Variants in MYEF2 observed in about 807,000 individuals in gnomAD.
The protein encoded by MYEF2 is myelin expression factor 2.
In MYEF2, 37 loss-of-function variants were observed where a neutral mutation model predicts 75.2. That is an observed-to-expected ratio of 0.49 (90% CI 0.38 to 0.65). The LOEUF (loss-of-function observed/expected upper bound fraction) is 0.65. MYEF2 is among the 30% of genes least tolerant of loss of function. MYEF2 has a pLI of 0.00. For synonymous variants in MYEF2, 195 were observed against 241.6 expected (o/e 0.81, Z 1.79); for missense variants, 634 against 771.4 (o/e 0.82, Z 2.11).
chr15:48,141,929 T>C lies in MYEF2; in HGVS notation c.*979A>G. 2.2e-6 allele frequency: 2 copies of C among 925,784 alleles called. No homozygotes were observed. Among genetic ancestry groups the C allele is most frequent in the Middle Eastern group, 2.4e-4 (1 of 4,226 alleles). 57.3% of individuals were successfully genotyped at this position (925,784 alleles called of 1,614,324 possible). On this transcript the variant is annotated 3_prime_UTR_variant, in exon 17 of 17. Transcript: ENST00000324324. ...TCTAACAACAATTTTTCAAAACGAA[T>C]CAACAACAAAAAAGTATCCAGTGTT... is the stretch of plus-strand genomic sequence containing the variant.
chr15:48,173,560 T>C (rs1232988316), intron 1 of MYEF2, among the ~76,000 whole-genome samples: 1 of 152,162 alleles, frequency 6.6e-6, no homozygotes, highest in Non-Finnish European at 1.5e-5. Context: ...AAATTAACTC[T>C]GTTTGCAGAA....
At position 48,151,953 on chromosome 15, in the gene MYEF2, A is replaced by G. The variant is rs1188150493; in HGVS notation, c.1139-11T>C. On this transcript the variant is annotated splice_polypyrimidine_tract_variant and intron_variant, in intron 11 of 16. Coordinates refer to ENST00000324324, the MANE Select transcript of MYEF2 (RefSeq NM_016132.5). The stretch of plus-strand genomic sequence containing the variant: ...CACCAAACCCTATTCCTATGGAATA[A>G]AGATTAATTTTGAGATCCAACTGTC... The G allele has an allele frequency of 6.2e-7, 1 of 1,612,290 alleles. No homozygotes were observed. The highest frequency in any genetic ancestry group is 8.5e-7 in the Non-Finnish European group (1 of 1,178,480).
intron 5 of MYEF2, among the ~76,000 whole-genome samples, chr15:48,160,296 C>T (rs567276965): frequency 6.1e-4 from 93 of 152,050 alleles, no homozygotes; most frequent in African/African-American, 2.2e-3. Context: ...AAATTTTATT[C>T]CTGAACAAAA....
At chr15:48,171,242 C>T (rs1050156639) in intron 1 of MYEF2, among the ~76,000 whole-genome samples, 8 of 152,276 alleles carry the variant, frequency 5.3e-5, no homozygotes, top group Middle Eastern at 3.4e-3. Context: ...TGTAAAGTAA[C>T]TAAGACTCTA....
chr15:48,142,631 T>C lies in MYEF2; in HGVS notation c.*277A>G. ...AAACTAGAACAAACAAATCCAACTATGTAGTACTGAAAACAACAAGAAAAT... is the reference window on the plus strand; with the variant it reads ...AAACTAGAACAAACAAATCCAACTACGTAGTACTGAAAACAACAAGAAAAT... On this transcript the variant is annotated 3_prime_UTR_variant, in exon 17 of 17. Transcript: ENST00000324324. The C allele has an allele frequency of 2.2e-6, 1 of 453,360 alleles. No individual in the cohort carries two copies. Among genetic ancestry groups the C allele is most frequent in the Non-Finnish European group, 3.8e-6 (1 of 260,982 alleles). The allele number at this position is 453,360 out of a possible 1,614,324, so 28.1% of individuals were successfully genotyped here.
chr15:48,143,167 AT>A, intron 16 of MYEF2, 96 bp from the exon 17 acceptor site: 1 of 694,778 alleles, frequency 1.4e-6, no homozygotes, highest in Non-Finnish European at 2.1e-6. Context: ...GTGATAATTA[AT>A]TTGATTAAAA....
intron 5 of MYEF2, among the ~76,000 whole-genome samples, chr15:48,162,482 C>T (rs1405456683): frequency 6.6e-6 from 1 of 152,130 alleles, no homozygotes; most frequent in Non-Finnish European, 1.5e-5. Flanking sequence ...TTCTCTGATG[C>T]CAGAACATAA....
chr15:48,141,937 A>G lies in MYEF2; in HGVS notation c.*971T>C, dbSNP rs2039104063. The G allele has an allele frequency of 1.0e-6, 1 of 992,876 alleles. No homozygotes were observed. Among genetic ancestry groups the G allele is most frequent in the African/African-American group, 1.6e-5 (1 of 62,170 alleles). The allele number at this position is 992,876 out of a possible 1,614,324, so 61.5% of individuals were successfully genotyped here. ...CAATTTTTCAAAACGAATCAACAAC[A>G]AAAAAGTATCCAGTGTTTCTTTTCT... On this transcript the variant is annotated 3_prime_UTR_variant, in exon 17 of 17. Transcript: ENST00000324324.
At chr15:48,177,971 G>C in intron 1 of MYEF2, 106 bp downstream of exon 1, 2 of 1,417,268 alleles carry the variant, frequency 1.4e-6, no homozygotes, top group Middle Eastern at 2.4e-4. Context: ...GGGCGGGCCG[G>C]GGTCTGGGGG....
chr15:48,136,593 A>G lies in MYEF2; in HGVS notation c.*6315T>C. The stretch of plus-strand genomic sequence containing the variant: ...TGATTGTTCTATGGCTACTTTTGTT[A>G]GAAAATCATTCAATAGATACTGCCC... On this transcript the variant is annotated 3_prime_UTR_variant, in exon 17 of 17. Coordinates refer to ENST00000324324, the MANE Select transcript of MYEF2 (RefSeq NM_016132.5). 8.1e-7 allele frequency: 1 copy of G among 1,236,006 alleles called. No homozygotes were observed. Among genetic ancestry groups the G allele is most frequent in the Non-Finnish European group, 1.1e-6 (1 of 892,046 alleles). 76.6% of individuals were successfully genotyped at this position (1,236,006 alleles called of 1,614,324 possible).
chr15:48,145,774 C>T (rs2039259115), intron 16 of MYEF2, among the ~76,000 whole-genome samples: 2 of 151,776 alleles, frequency 1.3e-5, no homozygotes, highest in Non-Finnish European at 2.9e-5. Context: ...GATAAGAAAA[C>T]ATAATAAGGA....
At chr15:48,175,116 G>A (rs1223011405) in intron 1 of MYEF2, among the ~76,000 whole-genome samples, 1 of 152,034 alleles carries the variant, frequency 6.6e-6, no homozygotes, top group Non-Finnish European at 1.5e-5. Flanking sequence ...ATCCACACTG[G>A]AATATTATTA....
At chr15:48,177,078 T>A (rs905376430) in intron 1 of MYEF2, among the ~76,000 whole-genome samples, 1 of 152,210 alleles carries the variant, frequency 6.6e-6, no homozygotes, top group Non-Finnish European at 1.5e-5. Context: ...ACTGTGAGCA[T>A]ATATCTATTG....
At chr15:48,168,581 C>G (rs760179732) in intron 2 of MYEF2, 50 bp downstream of exon 2, 1 of 1,459,838 alleles carries the variant, frequency 6.9e-7, no homozygotes, top group South Asian at 1.2e-5. Flanking sequence ...AGTTCCCTCC[C>G]CTGCCTATAT....
At chr15:48,155,703 A>C (rs74011912) in intron 9 of MYEF2, among the ~76,000 whole-genome samples, 6,529 of 151,230 alleles carry the variant, frequency 0.043, 330 homozygotes, top group African/African-American at 0.11. Context: ...AAAAAAAAAA[A>C]CTCATACATT....
rs1658675679 is a variant in MYEF2 at position 48,141,239 on chromosome 15, C to T, written c.*1669G>A. On this transcript the variant is annotated 3_prime_UTR_variant, in exon 17 of 17. Transcript: ENST00000324324. ...GGTAAGAACTAGGTCCCTCAAGCTG[C>T]AATGGTCATTCTACAAGGCTAGAAT... 6.6e-7 allele frequency: 1 copy of T among 1,523,792 alleles called. No individual in the cohort carries two copies. Among genetic ancestry groups the T allele is most frequent in the Non-Finnish European group, 9.1e-7 (1 of 1,098,346 alleles). The allele number at this position is 1,523,792 out of a possible 1,614,324, so 94.4% of individuals were successfully genotyped here. A position where few individuals can be genotyped will look rare whatever the true frequency, so the allele number is the denominator to read the frequency against.
chr15:48,151,147 G>A lies in MYEF2; in HGVS notation c.1331C>T (p.Ala444Val). The change falls in exon 14 of 17, where the codon GCA becomes GTA. Residue 444 changes from alanine to valine, a missense_variant. Physicochemically the swap from Ala to Val is moderately conservative, Grantham distance 64. Coordinates refer to ENST00000324324, the MANE Select transcript of MYEF2 (RefSeq NM_016132.5). ...CATGTTAGAAGATCCTATTCTTCCTGCAAACCCTCCAATCATTGCACTGCC... is the reference window on the plus strand; with the variant it reads ...CATGTTAGAAGATCCTATTCTTCCTACAAACCCTCCAATCATTGCACTGCC... ...RLGSAMIGGF[A>V]GRIGSSNMGP... The A allele has an allele frequency of 6.2e-7, 1 of 1,610,626 alleles. No individual in the cohort carries two copies. The highest frequency in any genetic ancestry group is 1.1e-5 in the South Asian group (1 of 90,718).
At chr15:48,151,732 TC>T in intron 12 of MYEF2, 141 bp downstream of exon 12, 1 of 1,152,300 alleles carries the variant, frequency 8.7e-7, no homozygotes, top group Non-Finnish European at 1.3e-6. Context: ...TCATCCCCAT[TC>T]CCCAGGCCTG....
intron 16 of MYEF2, among the ~76,000 whole-genome samples, chr15:48,147,099 CAAAGT>C (rs1179797368): frequency 1.3e-5 from 2 of 151,686 alleles, no homozygotes; most frequent in Non-Finnish European, 2.9e-5. Context: ...GCTAAAATAG[CAAAGT>C]AAAGAATAAT....
Sources: gnomAD v4.1 joint callset for allele counts (sites outside exome capture counted in the v4.1 genomes callset) on GRCh38, gnomAD v4.1.1 for gene constraint, MANE v1.5 for transcripts, NCBI Gene and HGNC (gene_info 2026-07-23, HGNC 2026-07-21) for gene names.